The following PFKFB3 variants were observed in gnomAD, a reference collection of about 807,000 sequenced individuals.
PFKFB3 encodes 6-phosphofructo-2-kinase/fructose-2,6-biphosphatase 3.
In PFKFB3, 33 loss-of-function variants were observed where a neutral mutation model predicts 68.0. The observed-to-expected ratio is 0.49, with a 90% CI of 0.37 to 0.65. PFKFB3 has a LOEUF of 0.65. PFKFB3 is among the 30% of genes least tolerant of loss of function. PFKFB3 has a pLI of 0.00. For synonymous variants in PFKFB3, 315 were observed against 288.2 expected (o/e 1.09, Z -0.94); for missense variants, 586 against 712.2 (o/e 0.82, Z 2.02).
At chr10:6,241,162 C>T (rs796155697) in intron 14 of PFKFB3, among the ~76,000 whole-genome samples, 5 of 152,272 alleles carry the variant, frequency 3.3e-5, no homozygotes, top group African/African-American at 1.2e-4. Flanking sequence ...ACCTTGGCCT[C>T]CCAAAGTGCT....
Position 6,203,332 on chromosome 10 carries a change from C to T in PFKFB3, c.72C>T (p.Pro24=). The change falls in exon 1 of 15, where the codon CCC becomes CCT. Residue 24 remains proline, a synonymous_variant. Coordinates refer to ENST00000379775, the MANE Select transcript of PFKFB3 (RefSeq NM_004566.4). ...WVPVDHRPSL[P]RSCGPKLTNS... is the part of the protein sequence containing the mutation. ...CCGTGGACCACAGGCCCTCGTTGCCCAGATGTGAGTGCAGCTGCGCGGAGC... is the reference window on the plus strand; with the variant it reads ...CCGTGGACCACAGGCCCTCGTTGCCTAGATGTGAGTGCAGCTGCGCGGAGC... 1 of 1,606,222 alleles carries T rather than the reference C, an allele frequency of 6.2e-7. No homozygotes were observed. The highest frequency in any genetic ancestry group is 1.3e-5 in the African/African-American group (1 of 74,076).
At chr10:6,223,325 C>T (rs369963447) in intron 11 of PFKFB3, among the ~76,000 whole-genome samples, 7 of 152,270 alleles carry the variant, frequency 4.6e-5, no homozygotes, top group East Asian at 1.9e-4. Context: ...ACAAACAGCC[C>T]GGAAAACTCT....
At chr10:6,313,758 G>A in the PFKFB3 span, among the ~76,000 whole-genome samples, 1 of 152,144 alleles carries the variant, frequency 6.6e-6, no homozygotes, top group Non-Finnish European at 1.5e-5. The surrounding 1 kb of genome is among the most constrained non-coding windows in gnomAD (Gnocchi z 4.2). Flanking sequence ...GCACATAATG[G>A]GTGCTAAATC....
chr10:6,260,152 G>A, the PFKFB3 span, among the ~76,000 whole-genome samples: 3 of 152,218 alleles, frequency 2.0e-5, no homozygotes, highest in South Asian at 2.1e-4. Context: ...GGTGGCTCAC[G>A]CTTGTAATCC....
At chr10:6,283,548 G>GCCGGAAGACTCAGCCCACA in the PFKFB3 span, among the ~76,000 whole-genome samples, 1 of 152,258 alleles carries the variant, frequency 6.6e-6, no homozygotes, top group Middle Eastern at 3.2e-3. Context: ...AAAGATGGAG[G>GCCGGAAGACTCAGCCCACA]CTGGAAGACT....
chr10:6,207,440 G>A (rs1843866377), intron 1 of PFKFB3, among the ~76,000 whole-genome samples: 1 of 152,210 alleles, frequency 6.6e-6, no homozygotes, highest in Non-Finnish European at 1.5e-5. Flanking sequence ...AGAGGGAGAG[G>A]GAGAGGGAGC....
At chr10:6,258,734 T>C (rs1328462544), downstream of PFKFB3, among the ~76,000 whole-genome samples, 1 of 152,220 alleles carries the variant, frequency 6.6e-6, no homozygotes, top group Non-Finnish European at 1.5e-5. Context: ...AAAATTACTC[T>C]CATGCTTTGC....
the PFKFB3 span, among the ~76,000 whole-genome samples, chr10:6,300,537 T>A: frequency 6.6e-6 from 1 of 152,186 alleles, no homozygotes; most frequent in South Asian, 2.1e-4. Context: ...AGCCAGCTTT[T>A]CCAGAAAGCA....
the PFKFB3 span, among the ~76,000 whole-genome samples, chr10:6,260,142 G>A: frequency 1.3e-5 from 2 of 152,062 alleles, no homozygotes; most frequent in African/African-American, 2.4e-5. Context: ...GGCCGGGCAC[G>A]GTGGCTCACG....
chr10:6,286,380 T>C, the PFKFB3 span, among the ~76,000 whole-genome samples: 4 of 152,196 alleles, frequency 2.6e-5, no homozygotes, highest in East Asian at 7.7e-4. Context: ...TATTTTATTA[T>C]TTATTTATTT....
In PFKFB3 at chr10:6,205,861, G is replaced by A. The variant is rs561104174; in HGVS notation, c.76+2525G>A. Among the ~76,000 whole-genome samples the A allele has an allele frequency of 1.7e-3, 259 of 151,882 alleles. 2 individuals are homozygous for A. Among genetic ancestry groups the A allele is most frequent in the African/African-American group, 5.6e-3 (230 of 41,404 alleles). ...CACCCAGGCTGGAGGGCAGTGGTGC[G>A]ACCATAGCTCACTGTAACCACCAAC... is the stretch of plus-strand genomic sequence containing the variant. On this transcript the variant is annotated intron_variant, in intron 1 of 14. Coordinates refer to ENST00000379775, the MANE Select transcript of PFKFB3 (RefSeq NM_004566.4).
chr10:6,218,585 C>A (rs2148290), intron 6 of PFKFB3, among the ~76,000 whole-genome samples: 1 of 151,778 alleles, frequency 6.6e-6, no homozygotes, highest in South Asian at 2.1e-4. Flanking sequence ...TGCGCCACCA[C>A]GCCCAGCTAA....
Position 6,203,343 on chromosome 10 carries a change from G to A in PFKFB3, c.76+7G>A, listed in dbSNP as rs1177818361. The A allele has an allele frequency of 6.3e-7, 1 of 1,596,154 alleles. No homozygotes were observed. The highest frequency in any genetic ancestry group is 1.4e-5 in the African/African-American group (1 of 73,082). ...AGGCCCTCGTTGCCCAGATGTGAGTGCAGCTGCGCGGAGCCGGGTTGCAGG... is the reference window on the plus strand; with the variant it reads ...AGGCCCTCGTTGCCCAGATGTGAGTACAGCTGCGCGGAGCCGGGTTGCAGG... On this transcript the variant is annotated splice_region_variant and intron_variant, in intron 1 of 14. Transcript: ENST00000379775.
the PFKFB3 span, among the ~76,000 whole-genome samples, chr10:6,322,875 T>C: frequency 1.3e-5 from 2 of 152,362 alleles, no homozygotes; most frequent in Non-Finnish European, 1.5e-5. Context: ...AAACCTCTCA[T>C]AATCCTAGTT....
intron 1 of PFKFB3, among the ~76,000 whole-genome samples, chr10:6,187,023 A>G (rs1220548360): frequency 1.3e-5 from 2 of 151,852 alleles, no homozygotes; most frequent in Non-Finnish European, 2.9e-5. Flanking sequence ...GGCAGGGGAG[A>G]CCAATGTGGA....
the PFKFB3 span, among the ~76,000 whole-genome samples, chr10:6,284,609 T>C: frequency 1.3e-5 from 2 of 152,196 alleles, no homozygotes; most frequent in Non-Finnish European, 1.5e-5. Context: ...AATTTACCAT[T>C]TTAACTATTT....
the PFKFB3 span, among the ~76,000 whole-genome samples, chr10:6,324,033 A>G: frequency 1.3e-5 from 2 of 152,206 alleles, no homozygotes; most frequent in Non-Finnish European, 2.9e-5. Context: ...TGTGTTATTC[A>G]TAATAGCCAA....
At chr10:6,168,241 C>T (rs1303114570) in intron 1 of PFKFB3, among the ~76,000 whole-genome samples, 1 of 152,214 alleles carries the variant, frequency 6.6e-6, no homozygotes, top group Non-Finnish European at 1.5e-5. Context: ...CTCCACTTTG[C>T]TCCCACTTGC....
rs775550893 is a variant in PFKFB3 at position 6,215,171 on chromosome 10, G to C, written c.203-50G>C. ...GATCCTATGGTCCCGGTGTGAGCTG[G>C]CCCCTTCCTCCTGCTCGATCATCCA... On this transcript the variant is annotated intron_variant, in intron 2 of 14. Coordinates refer to ENST00000379775, the MANE Select transcript of PFKFB3 (RefSeq NM_004566.4). This position sits in a 1 kb window ranked among gnomAD's most constrained non-coding sequence, Gnocchi z 4.3. 1 of 1,491,112 alleles carries C rather than the reference G, an allele frequency of 6.7e-7. No individual in the cohort carries two copies. Among genetic ancestry groups the C allele is most frequent in the African/African-American group, 1.4e-5 (1 of 72,426 alleles). The allele number at this position is 1,491,112 out of a possible 1,614,324, so 92.4% of individuals were successfully genotyped here.
Sources: allele counts gnomAD v4.1 joint callset (sites outside exome capture counted in the v4.1 genomes callset), GRCh38; gene constraint gnomAD v4.1.1; non-coding constraint Gnocchi (gnomAD v3.1); transcripts MANE v1.5; gene names NCBI Gene and HGNC (gene_info 2026-07-23, HGNC 2026-07-21).